XRCC4: variants seen among roughly 807,000 people sequenced by gnomAD.
The protein encoded by XRCC4 is DNA repair protein XRCC4.
XRCC4 carries 28 observed loss-of-function variants against 39.1 expected under a neutral mutation model. The ratio of observed to expected loss-of-function variants is 0.72; its 90% CI spans 0.53 to 0.98. XRCC4 has a LOEUF of 0.98. Ranked by LOEUF, XRCC4 falls within the 50% of genes least tolerant of loss-of-function variation. XRCC4 has a pLI of 0.00. For missense variants in XRCC4, 350 were observed against 376.4 expected, an observed-to-expected ratio of 0.93 and a Z score of 0.58; for synonymous variants, 123 against 126.4, an observed-to-expected ratio of 0.97 and a Z score of 0.18.
At chr5:83,304,396 A>G (rs1043388451) in intron 7 of XRCC4, among the ~76,000 whole-genome samples, 4 of 152,050 alleles carry the variant, frequency 2.6e-5, no homozygotes, top group Non-Finnish European at 4.4e-5. Flanking sequence ...AACCAGACAC[A>G]TGACTCTTTT....
intron 1 of XRCC4, among the ~76,000 whole-genome samples, chr5:83,100,625 A>G (rs987114758): frequency 3.3e-5 from 5 of 152,110 alleles, no homozygotes; most frequent in Admixed American, 6.6e-5. Context: ...AATAATCTGT[A>G]TAAGTATGTG....
intron 1 of XRCC4, among the ~76,000 whole-genome samples, chr5:83,089,102 G>A (rs1745306675): frequency 6.6e-6 from 1 of 152,194 alleles, no homozygotes; most frequent in African/African-American, 2.4e-5. Context: ...AGTGCTATCA[G>A]ACACTACCCT....
rs562532391 is a variant in XRCC4 at position 83,239,104 on chromosome 5, G to C, written c.746-19426G>C. Among the ~76,000 whole-genome samples the C allele has an allele frequency of 7.7e-4, 117 of 152,324 alleles. 1 individual carries two copies. Among genetic ancestry groups the C allele is most frequent in the South Asian group, 7.5e-3 (36 of 4,828 alleles). On this transcript the variant is annotated intron_variant, in intron 6 of 7. Transcript: ENST00000396027. ...GTAGAAGAAAATAGTGTACTAGAAA[G>C]TATCAAATTAATGTTTTTACTCTAA...
intron 6 of XRCC4, among the ~76,000 whole-genome samples, chr5:83,253,812 A>C (rs751219169): frequency 1.3e-5 from 2 of 152,310 alleles, no homozygotes; most frequent in East Asian, 1.9e-4. Flanking sequence ...CTTAGCCAAC[A>C]GTGTCATTTC....
At chr5:83,259,605 A>G (rs1013154780) in intron 7 of XRCC4, among the ~76,000 whole-genome samples, 1 of 152,148 alleles carries the variant, frequency 6.6e-6, no homozygotes, top group Admixed American at 6.6e-5. Context: ...CAAACCAGCT[A>G]TCAAACAGGT....
At chr5:83,357,658 C>A (rs868736058), downstream of XRCC4, among the ~76,000 whole-genome samples, 2 of 152,136 alleles carry the variant, frequency 1.3e-5, no homozygotes, top group East Asian at 1.9e-4. Context: ...CAGTGAGCGA[C>A]GTTATGTCAA....
intron 7 of XRCC4, among the ~76,000 whole-genome samples, chr5:83,323,441 GA>G (rs1397355839): frequency 2.0e-5 from 3 of 152,016 alleles, no homozygotes; most frequent in Non-Finnish European, 4.4e-5. Flanking sequence ...TTGTTACACA[GA>G]AATGTTAATT....
At chr5:83,365,807 T>C in the XRCC4 span, among the ~76,000 whole-genome samples, 2 of 152,194 alleles carry the variant, frequency 1.3e-5, no homozygotes, top group Non-Finnish European at 2.9e-5. Context: ...ACAACTTCAG[T>C]AAATAAATAA....
intron 3 of XRCC4, among the ~76,000 whole-genome samples, chr5:83,178,487 C>A (rs867317447): frequency 6.6e-6 from 1 of 152,032 alleles, no homozygotes; most frequent in African/African-American, 2.4e-5. Context: ...TGATCAAATG[C>A]GATAGATATA....
intron 6 of XRCC4, among the ~76,000 whole-genome samples, chr5:83,243,469 A>C (rs569815724): frequency 2.6e-4 from 40 of 152,294 alleles, no homozygotes; most frequent in African/African-American, 9.6e-4. Flanking sequence ...TCTTATAATA[A>C]AGACATCAGA....
chr5:83,148,344 A>G (rs1237093030), intron 3 of XRCC4, among the ~76,000 whole-genome samples: 1 of 152,054 alleles, frequency 6.6e-6, no homozygotes, highest in Non-Finnish European at 1.5e-5. Flanking sequence ...AGATAATTTG[A>G]TACTTTAACA....
At chr5:83,237,862 C>T (rs980070526) in intron 6 of XRCC4, among the ~76,000 whole-genome samples, 1 of 151,912 alleles carries the variant, frequency 6.6e-6, no homozygotes, top group Admixed American at 6.6e-5. Flanking sequence ...ATGTACAACT[C>T]TTATGTATCC....
At chr5:83,156,537 TA>T (rs1349116387) in intron 3 of XRCC4, among the ~76,000 whole-genome samples, 1 of 152,158 alleles carries the variant, frequency 6.6e-6, no homozygotes, top group Non-Finnish European at 1.5e-5. Flanking sequence ...AGATTCTGGT[TA>T]TTTAGTCAGT....
chr5:83,311,656 A>T lies in XRCC4; in HGVS notation c.894-41475A>T, dbSNP rs139846731. On this transcript the variant is annotated intron_variant, in intron 7 of 7. Coordinates refer to ENST00000396027, the MANE Select transcript of XRCC4 (RefSeq NM_003401.5). ...AAATTACCAACAAAATTTATCATCT[A>T]GTCATTTTGGTAGAGTTTCTCATGG... Among the ~76,000 whole-genome samples, 33 of 152,212 alleles carry T rather than the reference A, an allele frequency of 2.2e-4. No individual in the cohort carries two copies. The East Asian group carries it at 4.4e-3, about 20-fold the overall frequency.
intron 7 of XRCC4, among the ~76,000 whole-genome samples, chr5:83,348,883 T>G (rs907208152): frequency 6.6e-6 from 1 of 152,182 alleles, no homozygotes; most frequent in Non-Finnish European, 1.5e-5. Context: ...GGCCACACCT[T>G]GAATGCTTTG....
chr5:83,132,130 T>C (rs1357901317), intron 3 of XRCC4, among the ~76,000 whole-genome samples: 2 of 152,134 alleles, frequency 1.3e-5, no homozygotes, highest in African/African-American at 4.8e-5. Context: ...TATTTCTCTT[T>C]CACTTATGAA....
chr5:83,122,476 C>T (rs1747056763), intron 3 of XRCC4, among the ~76,000 whole-genome samples: 1 of 152,044 alleles, frequency 6.6e-6, no homozygotes, highest in African/African-American at 2.4e-5. Context: ...GGCTTCCCTC[C>T]ACCCCAAAAA....
At chr5:83,265,859 C>T (rs374612017) in intron 7 of XRCC4, among the ~76,000 whole-genome samples, 102 of 137,330 alleles carry the variant, frequency 7.4e-4, no homozygotes, top group African/African-American at 3.5e-3. Context: ...ATAAATATTT[C>T]GATGTTTATA....
intron 3 of XRCC4, among the ~76,000 whole-genome samples, chr5:83,159,399 G>A (rs535304937): frequency 2.2e-4 from 34 of 152,246 alleles, no homozygotes; most frequent in African/African-American, 8.2e-4. Context: ...GCGATTAAAT[G>A]ATATCCATGA....
Sources: allele counts gnomAD v4.1 joint callset (sites outside exome capture counted in the v4.1 genomes callset), GRCh38; gene constraint gnomAD v4.1.1; transcripts MANE v1.5; gene names NCBI Gene and HGNC (gene_info 2026-07-23, HGNC 2026-07-21).